Variants in AKAP9 observed in about 807,000 individuals in gnomAD.
The protein encoded by AKAP9 is A-kinase anchor protein 9.
Under a neutral mutation model 488.5 loss-of-function variants are expected in AKAP9, and 311 were observed. That is an observed-to-expected ratio of 0.64 (90% CI 0.58 to 0.70). The LOEUF is 0.70. Among genes scored for constraint, AKAP9 ranks in the 30% least tolerant of loss-of-function variants. The probability of loss-of-function intolerance (pLI) is 0.00; values close to 1 mark genes in which losing one functional copy is unlikely to be tolerated. For missense variants in AKAP9, 4,215 were observed against 4,374.5 expected (o/e 0.96, Z 1.03); for synonymous variants, 1,462 against 1,483.5 (o/e 0.99, Z 0.33).
chr7:91,951,072 G>A (rs1792179772), intron 1 of AKAP9, among the ~76,000 whole-genome samples: 1 of 151,106 alleles, frequency 6.6e-6, no homozygotes, highest in Non-Finnish European at 1.5e-5. Flanking sequence ...TTATAATAAA[G>A]TTTGAGAAAA....
chr7:92,099,657 AAGTGACCTT>A (rs1817198230), intron 43 of AKAP9, 21 bp from the exon 44 acceptor site: 1 of 1,610,172 alleles, frequency 6.2e-7, no homozygotes. Context: ...ATTTGTGCTT[AAGTGACCTT>A]ACACCATTTT....
intron 9 of AKAP9, among the ~76,000 whole-genome samples, chr7:92,013,878 T>TA (rs758965127): frequency 1.2e-3 from 173 of 147,736 alleles, no homozygotes; most frequent in Admixed American, 1.3e-3. Context: ...TCAACATTTT[T>TA]AAAAAAAAAA....
intron 3 of AKAP9, 68 bp downstream of exon 3, chr7:91,980,401 T>C: frequency 1.3e-6 from 1 of 750,100 alleles, no homozygotes; most frequent in Admixed American, 3.1e-5. Context: ...AAATCATTGA[T>C]TGTTGCTACT....
At chr7:92,033,904 C>T (rs755419730) in intron 16 of AKAP9, among the ~76,000 whole-genome samples, 7 of 152,124 alleles carry the variant, frequency 4.6e-5, no homozygotes, top group African/African-American at 7.2e-5. Context: ...TGAAGTATAA[C>T]AGAGAATAAA....
chr7:92,036,841 ATCTTTGTC>A (rs1281561071), intron 16 of AKAP9, among the ~76,000 whole-genome samples: 1 of 152,220 alleles, frequency 6.6e-6, no homozygotes, highest in African/African-American at 2.4e-5. Context: ...ATTTTTAATT[ATCTTTGTC>A]TTTTGACATT....
intron 3 of AKAP9, among the ~76,000 whole-genome samples, chr7:91,980,974 T>A (rs1030221565): frequency 1.3e-5 from 2 of 152,208 alleles, no homozygotes; most frequent in African/African-American, 4.8e-5. Flanking sequence ...TCTCAATTTA[T>A]TGTAGGTTTC....
At chr7:92,025,498 T>C (rs1477445148) in intron 14 of AKAP9, among the ~76,000 whole-genome samples, 1 of 152,258 alleles carries the variant, frequency 6.6e-6, no homozygotes, top group African/African-American at 2.4e-5. Flanking sequence ...TGGACATGAC[T>C]GTAACACATT....
At position 92,061,305 on chromosome 7, in the gene AKAP9, T is replaced by C. The variant is rs1563068318; in HGVS notation, c.5647T>C (p.Phe1883Leu). 1 of 1,613,064 alleles carries C rather than the reference T, an allele frequency of 6.2e-7. No homozygotes were observed. The highest frequency in any genetic ancestry group is 8.5e-7 in the Non-Finnish European group (1 of 1,179,380). Reference protein sequence around the residue: ...VTQTELMRESFRQKQEATESL... With the variant: ...VTQTELMRESLRQKQEATESL... The stretch of plus-strand genomic sequence containing the variant: ...ACAGACAGAGTTGATGCGTGAGTCA[T>C]TTAGACAGAAACAAGAAGCAACAGA... Residue 1883 changes from phenylalanine to leucine, a missense_variant, in exon 23 of 50, where the codon TTT (phenylalanine) becomes CTT (leucine). By Grantham distance (22) the Phe-to-Leu change is conservative. This residue lies in a region of AKAP9 where 2,361 missense variants were observed against 2,430.0 expected (regional missense o/e 0.97). Transcript: ENST00000356239.
intron 1 of AKAP9, among the ~76,000 whole-genome samples, chr7:91,966,681 G>A (rs574507280): frequency 3.3e-5 from 5 of 152,216 alleles, no homozygotes; most frequent in East Asian, 3.9e-4. Flanking sequence ...TCTCTGTTTC[G>A]TTCCATTGGT....
At chr7:91,991,688 G>A (rs923505895) in intron 3 of AKAP9, among the ~76,000 whole-genome samples, 1 of 151,540 alleles carries the variant, frequency 6.6e-6, no homozygotes, top group Non-Finnish European at 1.5e-5. Flanking sequence ...AGCCAGGATG[G>A]TCTCGATCTC....
At position 92,083,657 on chromosome 7, in the gene AKAP9, T is replaced by C; in HGVS notation, c.8646+2T>C. 1.9e-6 allele frequency: 3 copies of C among 1,610,282 alleles called. No individual in the cohort carries two copies. Among genetic ancestry groups the C allele is most frequent in the Non-Finnish European group, 2.5e-6 (3 of 1,179,222 alleles). ...ATACAGTGTCTGAGAAGTAAAGAGG[T>C]ATTTGGTTTTTATAATATGTGTTTT... On this transcript the variant is annotated splice_donor_variant, in intron 33 of 49. Coordinates refer to ENST00000356239, the MANE Select transcript of AKAP9 (RefSeq NM_005751.5). LOFTEE classifies it high-confidence loss of function.
intron 7 of AKAP9, among the ~76,000 whole-genome samples, chr7:91,998,867 G>T (rs1389599747): frequency 6.6e-6 from 1 of 151,994 alleles, no homozygotes; most frequent in African/African-American, 2.4e-5. Flanking sequence ...TTTTATTTTA[G>T]CATATTCTGT....
chr7:92,085,704 T>G lies in AKAP9; in HGVS notation c.9024+18T>G. The G allele has an allele frequency of 6.4e-7, 1 of 1,558,976 alleles. No individual in the cohort carries two copies. On this transcript the variant is annotated intron_variant, in intron 36 of 49. Coordinates refer to ENST00000356239, the MANE Select transcript of AKAP9 (RefSeq NM_005751.5). ...AAGCCGAGGTAACCAAAGAATACTATGCATTTAAATCATTTTATGTATTAT... is the reference window on the plus strand; with the variant it reads ...AAGCCGAGGTAACCAAAGAATACTAGGCATTTAAATCATTTTATGTATTAT...
chr7:92,093,083 C>T lies in AKAP9; in HGVS notation c.9359-14C>T. On this transcript the variant is annotated splice_polypyrimidine_tract_variant and intron_variant, in intron 38 of 49. Transcript: ENST00000356239. ...GCTTGATTATGTTTCAAATATTAAT[C>T]ATGTTCTGTGTAGAACTCTTGGAAT... 1.3e-6 allele frequency: 2 copies of T among 1,599,000 alleles called. No individual in the cohort carries two copies. Among genetic ancestry groups the T allele is most frequent in the Non-Finnish European group, 1.7e-6 (2 of 1,166,774 alleles).
At chr7:91,995,082 T>C (rs1183799644) in intron 6 of AKAP9, among the ~76,000 whole-genome samples, 16 of 152,238 alleles carry the variant, frequency 1.1e-4, no homozygotes, top group Admixed American at 1.0e-3. Context: ...TTGCCAATTC[T>C]GGTATGGTTT....
At chr7:92,019,174 C>T (rs1334155907) in intron 12 of AKAP9, among the ~76,000 whole-genome samples, 1 of 151,604 alleles carries the variant, frequency 6.6e-6, no homozygotes, top group Non-Finnish European at 1.5e-5. Context: ...CAGAGTCTTA[C>T]TCTGTTGCCC....
intron 44 of AKAP9, 44 bp from the exon 45 acceptor site, chr7:92,100,812 A>G (rs1490477159): frequency 6.2e-7 from 1 of 1,607,514 alleles, no homozygotes; most frequent in East Asian, 2.2e-5. Context: ...TTTAGCTCAG[A>G]CTTTTCTTCA....
chr7:92,070,058 A>G lies in AKAP9; in HGVS notation c.6359A>G (p.Glu2120Gly). Residue 2120 changes from glutamate (E) to glycine (G), a missense_variant, in exon 27 of 50, where the codon GAA becomes GGA. By Grantham distance (98) the Glu-to-Gly change is moderately conservative (BLOSUM62 -2). This residue lies in a region of AKAP9 where 2,361 missense variants were observed against 2,430.0 expected (regional missense o/e 0.97). Coordinates refer to ENST00000356239, the MANE Select transcript of AKAP9 (RefSeq NM_005751.5). Reference sequence around the variant, plus strand: ...GAACAGTTAGCAAATCATCTGAAAGAAAAAACAGACAAATGCAGTGAGCTT... The same window carrying G: ...GAACAGTTAGCAAATCATCTGAAAGGAAAAACAGACAAATGCAGTGAGCTT... ...EVEQLANHLK[E>G]KTDKCSELLL... 1 of 1,613,004 alleles carries G rather than the reference A, an allele frequency of 6.2e-7. No individual in the cohort carries two copies. Among genetic ancestry groups the G allele is most frequent in the Non-Finnish European group, 8.5e-7 (1 of 1,179,782 alleles).
intron 21 of AKAP9, among the ~76,000 whole-genome samples, chr7:92,049,922 A>T (rs984172102): frequency 6.6e-6 from 1 of 152,154 alleles, no homozygotes. Flanking sequence ...CCCATCTAAT[A>T]CACCATACCT....
Sources: allele counts gnomAD v4.1 joint callset (sites outside exome capture counted in the v4.1 genomes callset), GRCh38; gene constraint gnomAD v4.1.1; regional missense constraint gnomAD v4.1.1; transcripts MANE v1.5; gene names NCBI Gene and HGNC (gene_info 2026-07-23, HGNC 2026-07-21).